Variants in ANKHD1 observed in about 807,000 individuals in gnomAD.
ANKHD1 encodes the protein ankyrin repeat and KH domain containing 1.
ANKHD1 carries 31 observed loss-of-function variants against 230.5 expected under a neutral mutation model. The ratio of observed to expected loss-of-function variants is 0.13; its 90% CI spans 0.10 to 0.18. ANKHD1 has a LOEUF of 0.18. Ranked by LOEUF, ANKHD1 falls within the 10% of genes least tolerant of loss-of-function variation. ANKHD1 has a pLI of 1.00. For synonymous variants in ANKHD1, 1,074 were observed against 1,117.6 expected (o/e 0.96, Z 0.78); for missense variants, 2,256 against 3,071.3 (o/e 0.73, Z 6.27).
intron 22 of ANKHD1, among the ~76,000 whole-genome samples, chr5:140,511,121 T>C (rs1250400773): frequency 6.6e-6 from 1 of 152,144 alleles, no homozygotes; most frequent in African/African-American, 2.4e-5. Flanking sequence ...ATGCCTCTCA[T>C]ATATATTAAA....
Position 140,528,465 on chromosome 5 carries a change from G to A in ANKHD1, c.5519G>A (p.Arg1840His), listed in dbSNP as rs563366603. The change falls in exon 29 of 34, where the codon CGT (arginine) becomes CAT (histidine). Residue 1840 changes from arginine to histidine, a missense_variant. Physicochemically the swap from Arg to His is conservative, Grantham distance 29. Around this residue, in one of 13 missense-constraint regions of ANKHD1, gnomAD observed 778 missense variants for 966.5 expected, o/e 0.80. Transcript: ENST00000360839. ...KLNKNVPTNV[R>H]SSFPVSLPLA... ...AATAAGAATGTTCCAACAAATGTAC[G>A]TTCTTCTTTCCCAGTTTCTCTACCC... 3.7e-6 allele frequency: 6 copies of A among 1,613,968 alleles called. No homozygotes were observed. The highest frequency in any genetic ancestry group is 1.7e-5 in the Admixed American group (1 of 59,990).
Position 140,526,100 on chromosome 5 carries a change from G to A in ANKHD1, c.4597G>A (p.Ala1533Thr). 6.2e-7 allele frequency: 1 copy of A among 1,613,878 alleles called. No homozygotes were observed. Among genetic ancestry groups the A allele is most frequent in the Non-Finnish European group, 8.5e-7 (1 of 1,179,994 alleles). ...CACAAATGTGTTTGGGAAAAAAAGG[G>A]CCAATGTGGTGACAACTCCCAGCAC... ...TFTNVFGKKR[A>T]NVVTTPSTNR... The change falls in exon 26 of 34, where the codon GCC (alanine) becomes ACC (threonine). Residue 1533 changes from alanine to threonine, a missense_variant. Around this residue, in one of 13 missense-constraint regions of ANKHD1, gnomAD observed 212 missense variants for 257.3 expected, o/e 0.82. Coordinates refer to ENST00000360839, the MANE Select transcript of ANKHD1 (RefSeq NM_017747.3).
At chr5:140,406,854 T>C (rs1336979724) in intron 1 of ANKHD1, among the ~76,000 whole-genome samples, 1 of 152,118 alleles carries the variant, frequency 6.6e-6, no homozygotes, top group Non-Finnish European at 1.5e-5. Context: ...TTTTAAACAT[T>C]GGGGTAAATA....
chr5:140,445,703 A>G, intron 5 of ANKHD1, 39 bp from the exon 6 acceptor site: 1 of 1,447,748 alleles, frequency 6.9e-7, no homozygotes. Flanking sequence ...TTAAATATAT[A>G]TTCTGCTCAT....
At chr5:140,414,291 A>G (rs1018135069) in intron 1 of ANKHD1, among the ~76,000 whole-genome samples, 32 of 152,226 alleles carry the variant, frequency 2.1e-4, no homozygotes, top group African/African-American at 7.7e-4. Context: ...TATCAGCTAT[A>G]TCATTTGACA....
chr5:140,427,319 G>C (rs1772539036), intron 1 of ANKHD1, among the ~76,000 whole-genome samples: 1 of 143,806 alleles, frequency 7.0e-6, no homozygotes, highest in South Asian at 2.2e-4. Flanking sequence ...GGCCGGGTGG[G>C]GGGCCGACCC....
At position 140,505,274 on chromosome 5, in the gene ANKHD1, C is replaced by G. The variant is rs768738185; in HGVS notation, c.3262+41C>G. On this transcript the variant is annotated intron_variant, in intron 17 of 33. Coordinates refer to ENST00000360839, the MANE Select transcript of ANKHD1 (RefSeq NM_017747.3). ...AAATAAAATCCAAGTGTAGTTACAT[C>G]AGAAAATAATTAACTTTTTTATTAT... is the stretch of plus-strand genomic sequence containing the variant. 6 of 1,601,606 alleles carry G rather than the reference C, an allele frequency of 3.7e-6. No homozygotes were observed. In the Admixed American group the frequency reaches 1.0e-4, roughly 27 times the overall value.
intron 7 of ANKHD1, among the ~76,000 whole-genome samples, chr5:140,453,518 G>A (rs1420697945): frequency 6.6e-6 from 1 of 152,176 alleles, no homozygotes; most frequent in Non-Finnish European, 1.5e-5. Context: ...GGATCTCTTG[G>A]CAGAAACTCT....
At chr5:140,530,648 T>C (rs1753771916) in intron 29 of ANKHD1, among the ~76,000 whole-genome samples, 1 of 152,240 alleles carries the variant, frequency 6.6e-6, no homozygotes, top group Non-Finnish European at 1.5e-5. Context: ...TAGACAGATC[T>C]GAGGTCAGTT....
rs372037026 is a variant in ANKHD1, at chr5:140,496,863, G to T, written c.2589G>T (p.Gln863His). ...AAGAATACTTGGAAACCAAAGGTCA[G>T]AAAGACACAGTGTCTCTACACCAAC... ...FTKEYLETKG[Q>H]KDTVSLHQQC... is the part of the protein sequence containing the mutation. The change falls in exon 15 of 34, where the codon CAG becomes CAT. Residue 863 changes from glutamine (Q) to histidine (H), a missense_variant. Physicochemically the swap from Gln to His is conservative, Grantham distance 24. This residue lies in a region of ANKHD1 where 358 missense variants were observed against 397.7 expected (regional missense o/e 0.90). Transcript: ENST00000360839. The T allele has an allele frequency of 1.1e-5, 17 of 1,613,992 alleles. No individual in the cohort carries two copies. The African/African-American group carries it at 2.3e-4, about 22-fold the overall frequency.
intron 3 of ANKHD1, among the ~76,000 whole-genome samples, chr5:140,439,213 A>G (rs1022371403): frequency 6.6e-6 from 1 of 152,192 alleles, no homozygotes; most frequent in African/African-American, 2.4e-5. Context: ...CTTCACTGTT[A>G]CTAAGTAAAA....
Position 140,505,123 on chromosome 5 carries a change from C to T in ANKHD1, c.3152C>T (p.Thr1051Ile), listed in dbSNP as rs1752487402. The change falls in exon 17 of 34, where the codon ACT becomes ATT. Residue 1051 changes from threonine to isoleucine, a missense_variant and splice_region_variant. Thr to Ile is a moderately conservative substitution (Grantham distance 89). Around this residue, in one of 13 missense-constraint regions of ANKHD1, gnomAD observed 63 missense variants for 125.5 expected, o/e 0.50. Transcript: ENST00000360839. ...VYPSVDIDAH[T>I]ESNHDTALTL... is the part of the protein sequence containing the mutation. ...TAACTTATTTTTTTCTTCTCCTAGA[C>T]TGAGAGCAATCATGACACAGCATTA... The T allele has an allele frequency of 6.2e-7, 1 of 1,613,542 alleles. No homozygotes were observed. The highest frequency in any genetic ancestry group is 8.5e-7 in the Non-Finnish European group (1 of 1,179,940).
At chr5:140,502,021 T>A (rs1752327881) in intron 15 of ANKHD1, among the ~76,000 whole-genome samples, 1 of 145,090 alleles carries the variant, frequency 6.9e-6, no homozygotes. Context: ...GAGCAACACA[T>A]AGAGACCCTA....
chr5:140,416,697 C>A (rs1305779902), intron 1 of ANKHD1, among the ~76,000 whole-genome samples: 1 of 151,916 alleles, frequency 6.6e-6, no homozygotes, highest in East Asian at 1.9e-4. Flanking sequence ...GTTGTCCAGG[C>A]TGGTCTCAAA....
At chr5:140,443,420 G>T (rs1160071288) in intron 5 of ANKHD1, among the ~76,000 whole-genome samples, 2 of 151,814 alleles carry the variant, frequency 1.3e-5, no homozygotes. Context: ...GCCGGGCGTG[G>T]TGGCTCACGC....
At chr5:140,450,298 T>G (rs1478450677) in intron 7 of ANKHD1, among the ~76,000 whole-genome samples, 12 of 2,618 alleles carry the variant, frequency 4.6e-3, no homozygotes, top group Admixed American at 0.03. Flanking sequence ...CCTCTATCTA[T>G]TTTTTTTTTT....
intron 15 of ANKHD1, 39 bp downstream of exon 15, chr5:140,497,317 T>G (rs1373226067): frequency 3.9e-6 from 6 of 1,552,876 alleles, no homozygotes; most frequent in East Asian, 2.2e-5. Flanking sequence ...TTCTCTTTAA[T>G]CTGTGTGCTG....
chr5:140,482,483 T>C, intron 10 of ANKHD1, 97 bp from the exon 11 acceptor site: 1 of 1,381,550 alleles, frequency 7.2e-7, no homozygotes, highest in East Asian at 2.4e-5. Flanking sequence ...AGTAAGTATA[T>C]TAAATCCTCG....
intron 1 of ANKHD1, among the ~76,000 whole-genome samples, chr5:140,428,250 C>T (rs552004963): frequency 1.3e-5 from 2 of 152,342 alleles, no homozygotes; most frequent in East Asian, 3.9e-4. Context: ...CGGGCAGAGG[C>T]TGCAATCTCG....
Sources: allele counts gnomAD v4.1 joint callset (sites outside exome capture counted in the v4.1 genomes callset), GRCh38; gene constraint gnomAD v4.1.1; regional missense constraint gnomAD v4.1.1; transcripts MANE v1.5; gene names NCBI Gene and HGNC (gene_info 2026-07-23, HGNC 2026-07-21).